Variants in NLRP1 observed in about 807,000 individuals in gnomAD.
NLRP1 encodes the protein NACHT, LRR and PYD domains-containing protein 1.
A neutral mutation model predicts 136.7 loss-of-function variants in NLRP1; 94 were observed. That is an observed-to-expected ratio of 0.69 (90% confidence interval 0.58 to 0.82). The LOEUF (loss-of-function observed/expected upper bound fraction) is 0.82. NLRP1 is among the 40% of genes least tolerant of loss of function. The pLI is 0.00. For missense variants in NLRP1, 1,575 were observed against 1,802.7 expected (o/e 0.87, Z 2.29); for synonymous variants, 690 against 725.1 (o/e 0.95, Z 0.78).
chr17:5,511,573 G>A (rs1276854754), downstream of NLRP1, among the ~76,000 whole-genome samples: 7 of 152,048 alleles, frequency 4.6e-5, no homozygotes, highest in East Asian at 1.9e-4. Context: ...CCATGGAGAC[G>A]ACTCCAGATT....
Position 5,581,897 on chromosome 17 carries a change from T to G in NLRP1, c.614A>C (p.Gln205Pro). Residue 205 changes from glutamine to proline, a missense_variant, in exon 3 of 17, where the codon CAA (glutamine) becomes CCA (proline). Gln to Pro is a moderately conservative substitution (Grantham distance 76, BLOSUM62 -1). Transcript: ENST00000572272. The part of the protein sequence containing the change: ...APREQEAPGT[Q>P]WPLDETSGIY... Reference sequence around the variant, plus strand: ...TCCTGACGTTTCATCCAGAGGCCATTGGGTCCCAGGAGCCTCCTGCTCTCT... The same window carrying G: ...TCCTGACGTTTCATCCAGAGGCCATGGGGTCCCAGGAGCCTCCTGCTCTCT... The G allele has an allele frequency of 6.2e-7, 1 of 1,613,334 alleles. No individual in the cohort carries two copies. The highest frequency in any genetic ancestry group is 1.8e-4 in the Middle Eastern group (1 of 5,490).
chr17:5,521,986 A>G (rs1182006603), intron 12 of NLRP1, among the ~76,000 whole-genome samples, 200 bp from the exon 13 acceptor site: 1 of 152,034 alleles, frequency 6.6e-6, no homozygotes, highest in Admixed American at 6.6e-5. Flanking sequence ...CACCATGCCC[A>G]GCTAATTTTT....
At chr17:5,556,115 T>TACACACACACACACACAC (rs59028107) in intron 4 of NLRP1, among the ~76,000 whole-genome samples, 2 of 119,072 alleles carry the variant, frequency 1.7e-5, no homozygotes, top group African/African-American at 6.8e-5. Context: ...TCTCTCTCTC[T>TACACACACACACACACAC]ACACACACAC....
chr17:5,580,551 A>G (rs1371385983), intron 3 of NLRP1, among the ~76,000 whole-genome samples: 1 of 152,056 alleles, frequency 6.6e-6, no homozygotes, highest in Non-Finnish European at 1.5e-5. Flanking sequence ...AACCCATTAT[A>G]TTTCCCCTTT....
At chr17:5,517,356 C>CT (rs1298777526) in intron 15 of NLRP1, among the ~76,000 whole-genome samples, 3 of 86,904 alleles carry the variant, frequency 3.5e-5, no homozygotes, top group African/African-American at 1.3e-4. Flanking sequence ...CTGCACCCCC[C>CT]CCCCTCCCAC....
chr17:5,575,095 G>A (rs1904877722), intron 3 of NLRP1, among the ~76,000 whole-genome samples: 1 of 152,078 alleles, frequency 6.6e-6, no homozygotes, highest in South Asian at 2.1e-4. Flanking sequence ...TCACCACCAG[G>A]CCTGCCCTAA....
At position 5,537,196 on chromosome 17, in the gene NLRP1, A is replaced by C. The variant is rs1239917065; in HGVS notation, c.2871-256T>G. ...GCAGTCTCCAATGGAGGCCTCAGCC[A>C]ACTCTGGGAGATGATCCTTTAGAGC... On this transcript the variant is annotated intron_variant, in intron 7 of 16. Transcript: ENST00000572272. The surrounding 1 kb of genome is among the most constrained non-coding windows in gnomAD (Gnocchi z 4.5). Among the ~76,000 whole-genome samples the C allele has an allele frequency of 6.6e-6, 1 of 152,252 alleles. No homozygotes were observed. The highest frequency in any genetic ancestry group is 2.4e-5 in the African/African-American group (1 of 41,482).
chr17:5,566,139 T>C (rs1915307458), intron 3 of NLRP1, among the ~76,000 whole-genome samples: 1 of 152,154 alleles, frequency 6.6e-6, no homozygotes, highest in South Asian at 2.1e-4. Context: ...GTTTCATTGA[T>C]CTTTTGTATT....
Position 5,536,905 on chromosome 17 carries a change from T to C in NLRP1, c.2906A>G (p.Gln969Arg). 2 of 1,613,808 alleles carry C rather than the reference T, an allele frequency of 1.2e-6. No homozygotes were observed. The highest frequency in any genetic ancestry group is 1.7e-6 in the Non-Finnish European group (2 of 1,179,696). ...CTCCTGCTCCAGGGCCCTCAGTTCC[T>C]GCCTCATCTCATCACTCAGAGTTGT... is the stretch of plus-strand genomic sequence containing the variant. ...DQTTLSDEMRQELRALEQEKP... is the reference protein window; with the variant it reads ...DQTTLSDEMRRELRALEQEKP... The change falls in exon 8 of 17, where the codon CAG becomes CGG. Residue 969 changes from glutamine to arginine, a missense_variant. Transcript: ENST00000572272.
rs200218955 is a variant in NLRP1, at chr17:5,553,514, G to C, written c.2400C>G (p.Leu800=). 2.2e-5 allele frequency: 36 copies of C among 1,614,110 alleles called. No individual in the cohort carries two copies. Among genetic ancestry groups the C allele is most frequent in the Non-Finnish European group, 3.0e-5 (35 of 1,180,040 alleles). ...TTCTGGTGACCTTGAGGACGGAGAA[G>C]AGAATCTGCCAATAGGCATCTGTGA... ...VPVTDAYWQI[L]FSVLKVTRNL... The change falls in exon 5 of 17, where the codon CTC becomes CTG. Residue 800 remains leucine (L), a synonymous_variant. Transcript: ENST00000572272.
At chr17:5,501,999 T>G in intron 15 of NLRP1, 1 of 822,010 alleles carries the variant, frequency 1.2e-6, no homozygotes, top group East Asian at 2.6e-5. Flanking sequence ...CCCTGCCTCC[T>G]GCAAGTGAAA....
intron 3 of NLRP1, among the ~76,000 whole-genome samples, chr17:5,568,564 T>C (rs1404518792): frequency 6.6e-6 from 1 of 152,196 alleles, no homozygotes; most frequent in Non-Finnish European, 1.5e-5. Flanking sequence ...TGGTCCCTGA[T>C]GCCTTATGGT....
At chr17:5,552,665 T>C (rs1239896623) in intron 5 of NLRP1, among the ~76,000 whole-genome samples, 1 of 152,242 alleles carries the variant, frequency 6.6e-6, no homozygotes, top group Non-Finnish European at 1.5e-5. Context: ...TGAGCCCAGT[T>C]GATTTTACTT....
intron 4 of NLRP1, among the ~76,000 whole-genome samples, chr17:5,555,499 C>T (rs1465414584): frequency 6.6e-6 from 1 of 152,172 alleles, no homozygotes; most frequent in African/African-American, 2.4e-5. Flanking sequence ...CCATCCCAAA[C>T]TCTCCTCTCT....
intron 3 of NLRP1, among the ~76,000 whole-genome samples, chr17:5,563,004 T>G (rs1270895725): frequency 1.3e-5 from 2 of 152,230 alleles, no homozygotes; most frequent in African/African-American, 4.8e-5. Flanking sequence ...AGTGCTGAGC[T>G]GAGCCTTGGC....
In NLRP1 at chr17:5,559,634, G is replaced by A. The variant is rs1567661976; in HGVS notation, c.1062C>T (p.Gly354=). 6.2e-7 allele frequency: 1 copy of A among 1,614,206 alleles called. No individual in the cohort carries two copies. Residue 354 remains glycine (G), a synonymous_variant, in exon 4 of 17, where the codon GGC becomes GGT. Transcript: ENST00000572272. ...GCTGGAAGCGGTCCCCATACAGCTG[G>A]CCTCTCCCCCAGGCTTCCTTCACCT... ...ARQVKEAWGR[G]QLYGDRFQHV...
At chr17:5,577,619 C>T (rs1905148293) in intron 3 of NLRP1, among the ~76,000 whole-genome samples, 1 of 152,134 alleles carries the variant, frequency 6.6e-6, no homozygotes, top group Non-Finnish European at 1.5e-5. Flanking sequence ...AGGACACAAA[C>T]AAATGGAAGA....
At chr17:5,516,659 T>A (rs140882346) in intron 15 of NLRP1, among the ~76,000 whole-genome samples, 1 of 152,358 alleles carries the variant, frequency 6.6e-6, no homozygotes, top group East Asian at 1.9e-4. Flanking sequence ...GTCATTATGA[T>A]CCTCTTTTTA....
intron 6 of NLRP1, among the ~76,000 whole-genome samples, chr17:5,539,967 G>A (rs1036777378): frequency 1.3e-5 from 2 of 152,150 alleles, no homozygotes; most frequent in African/African-American, 2.4e-5. Flanking sequence ...CCAAAGTACT[G>A]GGATTACAGG....
Sources: allele counts gnomAD v4.1 joint callset (sites outside exome capture counted in the v4.1 genomes callset), GRCh38; gene constraint gnomAD v4.1.1; non-coding constraint Gnocchi (gnomAD v3.1); transcripts MANE v1.5; gene names NCBI Gene and HGNC (gene_info 2026-07-23, HGNC 2026-07-21).